The following CHD6 variants were observed in gnomAD, a reference collection of about 807,000 sequenced individuals.
CHD6 encodes the protein chromodomain helicase DNA binding protein 6, also known as ATP-dependent chromatin remodeler CHD6.
CHD6 carries 50 observed loss-of-function variants against 276.9 expected under a neutral mutation model. The observed-to-expected ratio is 0.18, with a 90% CI of 0.14 to 0.23. The LOEUF (loss-of-function observed/expected upper bound fraction) is 0.23. Among genes scored for constraint, CHD6 ranks in the 10% least tolerant of loss-of-function variants. The pLI, the probability that CHD6 is intolerant of heterozygous loss-of-function variation, is 1.00. For synonymous variants in CHD6, 1,173 were observed against 1,229.3 expected (o/e 0.95, Z 0.96); for missense variants, 2,564 against 3,365.8 (o/e 0.76, Z 5.89).
At chr20:41,520,827 TA>T (rs1004936637) in intron 3 of CHD6, among the ~76,000 whole-genome samples, 32 of 151,306 alleles carry the variant, frequency 2.1e-4, no homozygotes, top group Admixed American at 5.9e-4. Context: ...TAATAATAAT[TA>T]AAAAAAAATT....
chr20:41,403,195 G>T lies in CHD6; in HGVS notation c.*1398C>A. The stretch of plus-strand genomic sequence containing the variant: ...AAAAGTAAAAAATACAGTAAATTGT[G>T]ACAACAAAAAGTGAAACTGGTACTA... On this transcript the variant is annotated 3_prime_UTR_variant, in exon 37 of 37. Transcript: ENST00000373233. 1 of 932,922 alleles carries T rather than the reference G, an allele frequency of 1.1e-6. No homozygotes were observed. Among genetic ancestry groups the T allele is most frequent in the Non-Finnish European group, 1.3e-6 (1 of 759,820 alleles). The allele number at this position is 932,922 out of a possible 1,614,324, so 57.8% of individuals were successfully genotyped here.
intron 17 of CHD6, among the ~76,000 whole-genome samples, chr20:41,460,521 T>C (rs1297357592): frequency 6.6e-6 from 1 of 152,174 alleles, no homozygotes; most frequent in Non-Finnish European, 1.5e-5. Flanking sequence ...CTGTCCCAAC[T>C]GTTCCAGCCA....
intron 1 of CHD6, among the ~76,000 whole-genome samples, chr20:41,602,130 A>G (rs1720409677): frequency 6.6e-6 from 1 of 152,212 alleles, no homozygotes; most frequent in Non-Finnish European, 1.5e-5. Context: ...TTTGGTTAGC[A>G]GATTAATGAG....
chr20:41,487,583 T>G, intron 14 of CHD6, 82 bp downstream of exon 14: 1 of 1,370,156 alleles, frequency 7.3e-7, no homozygotes, highest in Non-Finnish European at 1.0e-6. Context: ...ACTTGCTAAA[T>G]CCTGGCCCCA....
intron 5 of CHD6, among the ~76,000 whole-genome samples, chr20:41,505,265 C>T (rs575772596): frequency 3.3e-5 from 5 of 152,254 alleles, no homozygotes; most frequent in Admixed American, 6.5e-5. Flanking sequence ...GTAAGTACCA[C>T]GCAACTATGA....
chr20:41,544,275 T>C (rs2044999118), intron 2 of CHD6, among the ~76,000 whole-genome samples: 2 of 152,144 alleles, frequency 1.3e-5, no homozygotes. Flanking sequence ...AAGACGATTC[T>C]TCACAGTCAC....
At chr20:41,612,028 C>T (rs1318739948) in intron 1 of CHD6, among the ~76,000 whole-genome samples, 1 of 152,136 alleles carries the variant, frequency 6.6e-6, no homozygotes, top group Non-Finnish European at 1.5e-5. Flanking sequence ...TGCTCTTTCC[C>T]AATCTATGGC....
intron 1 of CHD6, among the ~76,000 whole-genome samples, chr20:41,602,123 G>A (rs892104527): frequency 6.6e-6 from 1 of 152,120 alleles, no homozygotes; most frequent in East Asian, 1.9e-4. Flanking sequence ...ATCTCCTTTT[G>A]GTTAGCAGAT....
chr20:41,550,174 T>G (rs2045122512), intron 2 of CHD6, among the ~76,000 whole-genome samples: 1 of 152,250 alleles, frequency 6.6e-6, no homozygotes, highest in South Asian at 2.1e-4. Flanking sequence ...AGTCCCCTTT[T>G]TGACGGATGT....
intron 1 of CHD6, among the ~76,000 whole-genome samples, chr20:41,576,528 T>C (rs2045476268): frequency 6.6e-6 from 1 of 151,940 alleles, no homozygotes; most frequent in Non-Finnish European, 1.5e-5. Flanking sequence ...TCTACTAAAA[T>C]ACAAAAATTA....
chr20:41,588,075 T>C lies in CHD6; in HGVS notation c.-24+30265A>G, dbSNP rs115354800. Reference sequence around the variant, plus strand: ...GCAGCAGGTAGGATGAGGAAGCCAGTAGGTGGGAAAAGAAGGGTGAGGCTG... The same window carrying C: ...GCAGCAGGTAGGATGAGGAAGCCAGCAGGTGGGAAAAGAAGGGTGAGGCTG... On this transcript the variant is annotated intron_variant, in intron 1 of 36. Transcript: ENST00000373233. Among the ~76,000 whole-genome samples the C allele has an allele frequency of 5.6e-3, 852 of 151,784 alleles. 8 individuals carry two copies. Among genetic ancestry groups the C allele is most frequent in the Middle Eastern group, 0.024 (7 of 294 alleles).
chr20:41,488,093 G>A (rs2043461459), intron 13 of CHD6, among the ~76,000 whole-genome samples: 1 of 152,068 alleles, frequency 6.6e-6, no homozygotes, highest in Non-Finnish European at 1.5e-5. Context: ...CTGTGCCAAG[G>A]CAGTAATGTT....
chr20:41,403,716 A>T lies in CHD6; in HGVS notation c.*877T>A. On this transcript the variant is annotated 3_prime_UTR_variant, in exon 37 of 37. Transcript: ENST00000373233. Reference sequence around the variant, plus strand: ...AATCCATTCGGTCCTGGTGCTCTTTAAACACAGAGAGGCAAATTAATGGCT... The same window carrying T: ...AATCCATTCGGTCCTGGTGCTCTTTTAACACAGAGAGGCAAATTAATGGCT... 1 of 1,057,300 alleles carries T rather than the reference A, an allele frequency of 9.5e-7. No individual in the cohort carries two copies. The highest frequency in any genetic ancestry group is 1.1e-6 in the Non-Finnish European group (1 of 874,304). 65.5% of individuals were successfully genotyped at this position (1,057,300 alleles called of 1,614,324 possible).
chr20:41,499,185 G>C, intron 6 of CHD6, 110 bp downstream of exon 6: 1 of 749,892 alleles, frequency 1.3e-6, no homozygotes, highest in East Asian at 2.8e-5. Context: ...TTCTTGCCTA[G>C]CTCTCACTCC....
In CHD6 at chr20:41,473,265, C is replaced by G; in HGVS notation, c.2664+57G>C. The G allele has an allele frequency of 1.3e-6, 2 of 1,540,640 alleles. No homozygotes were observed. The highest frequency in any genetic ancestry group is 2.3e-5 in the South Asian group (2 of 85,180). On this transcript the variant is annotated intron_variant, in intron 17 of 36. Transcript: ENST00000373233. The surrounding 1 kb of genome is among the most constrained non-coding windows in gnomAD (Gnocchi z 4.1). ...GCTCTGTAGCCAAGCCAGGCCCTAT[C>G]ATGATGTTCTGGGATCCAGGGCAGC...
intron 26 of CHD6, among the ~76,000 whole-genome samples, chr20:41,437,931 G>A (rs954503035): frequency 5.9e-5 from 9 of 152,072 alleles, no homozygotes; most frequent in African/African-American, 1.9e-4. Flanking sequence ...AACTGAGACT[G>A]CAGCATGAGG....
intron 2 of CHD6, among the ~76,000 whole-genome samples, chr20:41,548,247 G>A (rs1224330384): frequency 6.6e-6 from 1 of 152,124 alleles, no homozygotes; most frequent in Non-Finnish European, 1.5e-5. Context: ...TCTGTAACCT[G>A]CTTCTCTATC....
chr20:41,484,709 T>C (rs371191758), intron 14 of CHD6, 102 bp from the exon 15 acceptor site: 1 of 1,230,376 alleles, frequency 8.1e-7, no homozygotes, highest in African/African-American at 1.5e-5. Flanking sequence ...TTACCCATAG[T>C]ACTGTGGTAG....
intron 1 of CHD6, among the ~76,000 whole-genome samples, chr20:41,580,880 G>C (rs2045530420): frequency 6.6e-6 from 1 of 152,186 alleles, no homozygotes; most frequent in South Asian, 2.1e-4. Context: ...ATTCCCCTAG[G>C]AATAGGGCAG....
Sources: gnomAD v4.1 joint callset for allele counts (sites outside exome capture counted in the v4.1 genomes callset) on GRCh38, gnomAD v4.1.1 for gene constraint, Gnocchi (gnomAD v3.1) non-coding constraint, MANE v1.5 for transcripts, NCBI Gene and HGNC (gene_info 2026-07-23, HGNC 2026-07-21) for gene names.